Variants in SLCO1B1 observed in about 807,000 individuals in gnomAD.
SLCO1B1 encodes solute carrier organic anion transporter family member 1B1.
Under a neutral mutation model 70.1 loss-of-function variants are expected in SLCO1B1, and 81 were observed. The observed-to-expected ratio is 1.16, with a 90% CI of 0.97 to 1.39. The LOEUF is 1.39. Among genes scored for constraint, SLCO1B1 ranks in the 40% most tolerant of loss-of-function variants. SLCO1B1 has a pLI of 0.00. For missense variants in SLCO1B1, 895 were observed against 799.6 expected (o/e 1.12, Z -1.44); for synonymous variants, 283 against 271.5 (o/e 1.04, Z -0.42).
intron 4 of SLCO1B1, 111 bp downstream of exon 4, chr12:21,174,820 C>T (rs1940799794): frequency 3.9e-6 from 4 of 1,018,136 alleles, no homozygotes; most frequent in Non-Finnish European, 4.4e-6. Flanking sequence ...TGAGAAGATA[C>T]CCACTAAGTG....
intron 2 of SLCO1B1, among the ~76,000 whole-genome samples, chr12:21,154,760 T>G (rs1033036979): frequency 3.3e-5 from 5 of 152,102 alleles, no homozygotes; most frequent in Non-Finnish European, 5.9e-5. Context: ...CTTCTTTTAT[T>G]TAAGCAATTC....
chr12:21,206,457 G>A (rs1196835286), intron 11 of SLCO1B1, among the ~76,000 whole-genome samples: 1 of 151,846 alleles, frequency 6.6e-6, no homozygotes, highest in Non-Finnish European at 1.5e-5. Context: ...CAGTCAATAT[G>A]CAATGTTATA....
chr12:21,158,506 C>T (rs1940571502), intron 2 of SLCO1B1, among the ~76,000 whole-genome samples: 1 of 152,052 alleles, frequency 6.6e-6, no homozygotes, highest in South Asian at 2.1e-4. Flanking sequence ...TGAGCCTGGC[C>T]AACATAGTGA....
At chr12:21,148,022 G>A (rs1940410884) in intron 2 of SLCO1B1, among the ~76,000 whole-genome samples, 1 of 152,248 alleles carries the variant, frequency 6.6e-6, no homozygotes, top group East Asian at 1.9e-4. Flanking sequence ...AGAAGTGTCT[G>A]TTCATATCCT....
intron 2 of SLCO1B1, among the ~76,000 whole-genome samples, chr12:21,146,711 T>A (rs1940387629): frequency 6.6e-6 from 1 of 152,182 alleles, no homozygotes; most frequent in Non-Finnish European, 1.5e-5. Flanking sequence ...CTTAAAAGTG[T>A]GGTAGTTAAT....
At chr12:21,237,818 G>A (rs1400021606) in intron 14 of SLCO1B1, among the ~76,000 whole-genome samples, 4 of 151,818 alleles carry the variant, frequency 2.6e-5, no homozygotes, top group Admixed American at 6.6e-5. Context: ...GAGTTCAAGT[G>A]ATTCTCCTGC....
intron 12 of SLCO1B1, among the ~76,000 whole-genome samples, 168 bp downstream of exon 12, chr12:21,217,471 T>C (rs1029513936): frequency 1.3e-5 from 2 of 152,148 alleles, no homozygotes; most frequent in African/African-American, 4.8e-5. Context: ...AAGGCTGTAA[T>C]TAATAATTTT....
intron 14 of SLCO1B1, among the ~76,000 whole-genome samples, chr12:21,231,624 G>T (rs1941539389): frequency 6.6e-6 from 1 of 151,552 alleles, no homozygotes; most frequent in Non-Finnish European, 1.5e-5. Flanking sequence ...AAGCACAAAG[G>T]TCTTGTATAT....
intron 10 of SLCO1B1, 122 bp from the exon 11 acceptor site, chr12:21,205,746 A>T: frequency 1.5e-6 from 1 of 686,940 alleles, no homozygotes; most frequent in Non-Finnish European, 2.2e-6. Context: ...ATAAAGAAAA[A>T]TTCTTTATCT....
chr12:21,181,521 G>A (rs1449033140), intron 7 of SLCO1B1, among the ~76,000 whole-genome samples: 1 of 152,126 alleles, frequency 6.6e-6, no homozygotes, highest in Admixed American at 6.6e-5. Flanking sequence ...TTTCTAGGTA[G>A]TTTGTTATCA....
chr12:21,150,429 C>T (rs1463813071), intron 2 of SLCO1B1, among the ~76,000 whole-genome samples: 1 of 152,108 alleles, frequency 6.6e-6, no homozygotes, highest in African/African-American at 2.4e-5. Flanking sequence ...TCAACAGACA[C>T]CTCATGCAGG....
chr12:21,221,627 A>G (rs1941424922), intron 12 of SLCO1B1, among the ~76,000 whole-genome samples: 3 of 152,146 alleles, frequency 2.0e-5, no homozygotes, highest in Admixed American at 2.0e-4. Context: ...TCAAAAGACA[A>G]ACAGTCAACA....
chr12:21,147,044 A>C (rs1255830758), intron 2 of SLCO1B1, among the ~76,000 whole-genome samples: 1 of 152,038 alleles, frequency 6.6e-6, no homozygotes, highest in African/African-American at 2.4e-5. Flanking sequence ...TAGTGTATTC[A>C]TTTATTTCTC....
At chr12:21,158,902 G>T (rs553600654) in intron 2 of SLCO1B1, among the ~76,000 whole-genome samples, 2 of 152,042 alleles carry the variant, frequency 1.3e-5, no homozygotes, top group South Asian at 4.1e-4. Flanking sequence ...ACCTTAATAT[G>T]AGAAAATAAT....
chr12:21,239,208 T>G lies in SLCO1B1; in HGVS notation c.*19T>G, dbSNP rs113870212. The stretch of plus-strand genomic sequence containing the variant: ...TTGTTAAGGGGAGAAAAAAAGCCAC[T>G]TCTGCTTCTGTGTTTCCAAACAGCA... On this transcript the variant is annotated 3_prime_UTR_variant, in exon 15 of 15. Coordinates refer to ENST00000256958, the MANE Select transcript of SLCO1B1 (RefSeq NM_006446.5). 101 of 1,534,790 alleles carry G rather than the reference T, an allele frequency of 6.6e-5. No homozygotes were observed. The African/African-American group carries it at 6.8e-4, about 10-fold the overall frequency.
intron 2 of SLCO1B1, among the ~76,000 whole-genome samples, chr12:21,160,244 A>T (rs1365947884): frequency 6.6e-6 from 1 of 152,132 alleles, no homozygotes; most frequent in East Asian, 1.9e-4. Context: ...GGACTATAGT[A>T]ACCAAAACAG....
chr12:21,138,067 A>G (rs1232420102), intron 1 of SLCO1B1, among the ~76,000 whole-genome samples: 5 of 152,212 alleles, frequency 3.3e-5, no homozygotes, highest in Non-Finnish European at 5.9e-5. Context: ...TGCCTTGATA[A>G]GACAATTGTT....
rs71043250 is a variant in SLCO1B1 at position 21,152,533 on chromosome 12, C to CTTTTTTTT, written c.84+10886_84+10893dup. Among the ~76,000 whole-genome samples the CTTTTTTTT allele has an allele frequency of 5.5e-4, 19 of 34,340 alleles. 3 individuals carry two copies. Among genetic ancestry groups the CTTTTTTTT allele is most frequent in the Non-Finnish European group, 6.2e-4 (12 of 19,374 alleles). The allele number at this position is 34,340 out of a possible 152,430, so 22.5% of individuals were successfully genotyped here. A position where few individuals can be genotyped will look rare whatever the true frequency, so the allele number is the denominator to read the frequency against. ...TTGCTAAGGTGTGGGAGAGGAGAGG[C>CTTTTTTTT]TTTTTTTTTTTTTTTTTTGCCTCTG... On this transcript the variant is annotated intron_variant, in intron 2 of 14. Coordinates refer to ENST00000256958, the MANE Select transcript of SLCO1B1 (RefSeq NM_006446.5).
chr12:21,140,795 AT>A (rs1940297642), intron 1 of SLCO1B1, among the ~76,000 whole-genome samples: 1 of 152,000 alleles, frequency 6.6e-6, no homozygotes, highest in South Asian at 2.1e-4. Context: ...TCCATATTAT[AT>A]TTCTGGATAA....
Sources: allele counts gnomAD v4.1 joint callset (sites outside exome capture counted in the v4.1 genomes callset), GRCh38; gene constraint gnomAD v4.1.1; transcripts MANE v1.5; gene names NCBI Gene and HGNC (gene_info 2026-07-23, HGNC 2026-07-21).